NELL1: variants seen among roughly 807,000 people sequenced by gnomAD.
NELL1 encodes neural EGFL like 1.
NELL1 carries 76 observed loss-of-function variants against 107.4 expected under a neutral mutation model. The ratio of observed to expected loss-of-function variants is 0.71; its 90% CI spans 0.59 to 0.86. NELL1 has a LOEUF of 0.86. Among genes scored for constraint, NELL1 ranks in the 40% least tolerant of loss-of-function variants. The probability of loss-of-function intolerance (pLI) is 0.00; values close to 1 mark genes in which losing one functional copy is unlikely to be tolerated. For synonymous variants in NELL1, 353 were observed against 341.2 expected (o/e 1.03, Z -0.38); for missense variants, 1,024 against 1,005.5 (o/e 1.02, Z -0.25).
At chr11:21,251,048 A>G (rs1380818571) in intron 14 of NELL1, among the ~76,000 whole-genome samples, 1 of 152,176 alleles carries the variant, frequency 6.6e-6, no homozygotes, top group African/African-American at 2.4e-5. Context: ...TCTGAGGTCT[A>G]GTTCAAATGT....
chr11:21,520,127 A>T (rs1855681109), intron 15 of NELL1, among the ~76,000 whole-genome samples: 1 of 152,280 alleles, frequency 6.6e-6, no homozygotes, highest in Non-Finnish European at 1.5e-5. Context: ...TTCTTCCGCC[A>T]ATACATCCAT....
chr11:21,058,797 A>G (rs539323276), intron 12 of NELL1, among the ~76,000 whole-genome samples: 4 of 152,256 alleles, frequency 2.6e-5, no homozygotes, highest in Non-Finnish European at 2.9e-5. Flanking sequence ...AATTTTGATG[A>G]GGGCACTTGG....
intron 15 of NELL1, among the ~76,000 whole-genome samples, chr11:21,454,657 C>G (rs904666452): frequency 4.6e-5 from 7 of 152,176 alleles, no homozygotes; most frequent in Non-Finnish European, 1.0e-4. Context: ...ATTTATTTGT[C>G]ACAATTCTAG....
intron 12 of NELL1, among the ~76,000 whole-genome samples, chr11:21,107,390 C>T (rs1854994967): frequency 6.6e-6 from 1 of 152,074 alleles, no homozygotes; most frequent in Non-Finnish European, 1.5e-5. Context: ...ACCAGTTAGC[C>T]AACACCACTG....
At chr11:21,466,573 CT>C (rs974082278) in intron 15 of NELL1, among the ~76,000 whole-genome samples, 5 of 152,094 alleles carry the variant, frequency 3.3e-5, no homozygotes, top group Non-Finnish European at 7.4e-5. Flanking sequence ...AGTTTTAAAA[CT>C]TTTTTTAAAA....
chr11:21,298,887 G>A (rs184059572), intron 14 of NELL1, among the ~76,000 whole-genome samples: 5 of 151,830 alleles, frequency 3.3e-5, no homozygotes, highest in African/African-American at 4.8e-5. Context: ...CCTTTCCCCC[G>A]AAAAAAGATT....
rs181162193 is a variant in NELL1 at position 20,930,595 on chromosome 11, T to C, written c.997+2116T>C. ...TTTTGTATTTTATATTTCCTGAAAA[T>C]AGAATTCTTCAGGCCAGAATTACTG... is the stretch of plus-strand genomic sequence containing the variant. On this transcript the variant is annotated intron_variant, in intron 9 of 19. Coordinates refer to ENST00000357134, the MANE Select transcript of NELL1 (RefSeq NM_006157.5). 2.0e-4 allele frequency among the ~76,000 whole-genome samples: 30 copies of C among 152,272 alleles called. No homozygotes were observed. The East Asian group carries it at 5.2e-3, about 26-fold the overall frequency.
At position 20,944,151 on chromosome 11, in the gene NELL1, A is replaced by G. The variant is rs1045904772; in HGVS notation, c.1072-3185A>G. On this transcript the variant is annotated intron_variant, in intron 10 of 19. Transcript: ENST00000357134. The stretch of plus-strand genomic sequence containing the variant: ...ATGAAGTATTATCCTTGGGAGGACT[A>G]AGGAAATAATTGCTAAAATAATTTT... Among the ~76,000 whole-genome samples the G allele has an allele frequency of 2.0e-5, 3 of 152,232 alleles. No individual in the cohort carries two copies. The East Asian group carries it at 5.8e-4, about 29-fold the overall frequency.
At chr11:20,953,478 A>G (rs915447533) in intron 11 of NELL1, among the ~76,000 whole-genome samples, 1 of 152,124 alleles carries the variant, frequency 6.6e-6, no homozygotes, top group African/African-American at 2.4e-5. Context: ...GGATTTGGAG[A>G]GTGGCAGTGT....
At chr11:21,253,807 T>A (rs997705501) in intron 14 of NELL1, among the ~76,000 whole-genome samples, 3 of 152,096 alleles carry the variant, frequency 2.0e-5, no homozygotes, top group Non-Finnish European at 4.4e-5. Flanking sequence ...AAAACACAGC[T>A]TCTGCCATTG....
chr11:20,899,383 A>G (rs1849822631), intron 5 of NELL1, among the ~76,000 whole-genome samples: 1 of 152,224 alleles, frequency 6.6e-6, no homozygotes, highest in African/African-American at 2.4e-5. Context: ...GTATCATTTA[A>G]AGTAACTAAT....
chr11:20,941,490 G>T (rs1196430801), intron 10 of NELL1, among the ~76,000 whole-genome samples: 2 of 152,138 alleles, frequency 1.3e-5, no homozygotes, highest in African/African-American at 4.8e-5. Context: ...TAAGAGCTGG[G>T]TTGGAGAACA....
At chr11:21,437,761 T>C (rs186940921) in intron 15 of NELL1, among the ~76,000 whole-genome samples, 41 of 152,360 alleles carry the variant, frequency 2.7e-4, no homozygotes, top group African/African-American at 9.4e-4. Context: ...TATATCTCTT[T>C]CTGTTTCTTC....
intron 16 of NELL1, among the ~76,000 whole-genome samples, chr11:21,538,711 T>C (rs1856209921): frequency 1.3e-5 from 2 of 152,148 alleles, no homozygotes; most frequent in Admixed American, 6.6e-5. Flanking sequence ...GAGCAATTGC[T>C]TTTTTGTCTA....
At chr11:21,154,761 C>T (rs1856194090) in intron 13 of NELL1, among the ~76,000 whole-genome samples, 1 of 151,982 alleles carries the variant, frequency 6.6e-6, no homozygotes, top group Admixed American at 6.6e-5. Flanking sequence ...AGATGGGTAT[C>T]CCAAGCAGTG....
intron 14 of NELL1, among the ~76,000 whole-genome samples, chr11:21,293,996 C>T (rs1162456179): frequency 1.3e-5 from 2 of 152,038 alleles, no homozygotes; most frequent in African/African-American, 4.8e-5. Context: ...TTGATGAGTG[C>T]AGCAAACCAC....
rs1316763826 is a variant in NELL1, at chr11:20,669,674, G to A, written c.-50G>A. On this transcript the variant is annotated 5_prime_UTR_variant, in exon 1 of 20. Coordinates refer to ENST00000357134, the MANE Select transcript of NELL1 (RefSeq NM_006157.5). This position sits in a 1 kb window ranked among gnomAD's most constrained non-coding sequence, Gnocchi z 4.4. ...CGCGCCTCAGGATCCAGGCTCATTT[G>A]CTTCCACCTAGCTTCGGTGCCCCCT... is the stretch of plus-strand genomic sequence containing the variant. The A allele has an allele frequency of 3.3e-6, 5 of 1,529,470 alleles. No homozygotes were observed. The highest frequency in any genetic ancestry group is 4.5e-6 in the Non-Finnish European group (5 of 1,104,196). 94.7% of individuals were successfully genotyped at this position (1,529,470 alleles called of 1,614,324 possible).
At chr11:20,721,418 T>C (rs1389829243) in intron 2 of NELL1, among the ~76,000 whole-genome samples, 1 of 152,024 alleles carries the variant, frequency 6.6e-6, no homozygotes, top group Non-Finnish European at 1.5e-5. Flanking sequence ...ATTGCCTACC[T>C]TTCTCCTTCA....
At chr11:21,191,861 C>T (rs1857056799) in intron 13 of NELL1, among the ~76,000 whole-genome samples, 1 of 151,892 alleles carries the variant, frequency 6.6e-6, no homozygotes, top group South Asian at 2.1e-4. Flanking sequence ...TATGTTTTAA[C>T]TTTTATATTT....
Sources: allele counts gnomAD v4.1 joint callset (sites outside exome capture counted in the v4.1 genomes callset), GRCh38; gene constraint gnomAD v4.1.1; non-coding constraint Gnocchi (gnomAD v3.1); transcripts MANE v1.5; gene names NCBI Gene and HGNC (gene_info 2026-07-23, HGNC 2026-07-21).